Variants in IRAK3 observed in about 807,000 individuals in gnomAD.
IRAK3 encodes the protein interleukin 1 receptor associated kinase 3, also known as interleukin-1 receptor-associated kinase 3.
In IRAK3, 57 loss-of-function variants were observed where a neutral mutation model predicts 56.6. The observed-to-expected ratio is 1.01, with a 90% CI of 0.81 to 1.26. The LOEUF is 1.26. IRAK3 is among the 50% of genes most tolerant of loss of function. IRAK3 has a pLI of 0.00. For missense variants in IRAK3, 703 were observed against 719.0 expected, an observed-to-expected ratio of 0.98 and a Z score of 0.25; for synonymous variants, 258 against 255.7, an observed-to-expected ratio of 1.01 and a Z score of -0.09.
At position 66,247,789 on chromosome 12, in the gene IRAK3, T is replaced by G; in HGVS notation, c.1409T>G (p.Phe470Cys). 1 of 1,614,158 alleles carries G rather than the reference T, an allele frequency of 6.2e-7. No individual in the cohort carries two copies. The highest frequency in any genetic ancestry group is 8.5e-7 in the Non-Finnish European group (1 of 1,179,984). ...TCCTTCAGGTGTCCTTCTCCTCTAT[T>G]CCTGGAGAATGTACCAAGTATTCCA... is the stretch of plus-strand genomic sequence containing the variant. ...LKSFRCPSPL[F>C]LENVPSIPVE... The change falls in exon 12 of 12, where the codon TTC becomes TGC. Residue 470 changes from phenylalanine (F) to cysteine (C), a missense_variant. Phe to Cys is a radical substitution (Grantham distance 205, BLOSUM62 -2). Coordinates refer to ENST00000261233, the MANE Select transcript of IRAK3 (RefSeq NM_007199.3).
At position 66,222,437 on chromosome 12, in the gene IRAK3, TAAG is replaced by T. The variant is rs1350520386; in HGVS notation, c.654-4285_654-4283del. On this transcript the variant is annotated intron_variant, in intron 6 of 11. Transcript: ENST00000261233. Reference sequence around the variant, plus strand: ...TTTCTAGGAATCCATCTATTTCTTTTAAGTTTTCCAGATTGTTGGCATACGATA... The same window carrying T: ...TTTCTAGGAATCCATCTATTTCTTTTTTTTCCAGATTGTTGGCATACGATA... Among the ~76,000 whole-genome samples the T allele has an allele frequency of 1.2e-4, 18 of 152,264 alleles. No individual in the cohort carries two copies. In the South Asian group the frequency reaches 3.3e-3, roughly 28 times the overall value.
At position 66,253,754 on chromosome 12, in the gene IRAK3, G is replaced by A. The variant is rs927709079; in HGVS notation, c.*5583G>A. On this transcript the variant is annotated 3_prime_UTR_variant, in exon 12 of 12. Transcript: ENST00000261233. ...TTGTTGTGTCTAGTAGGTGCTAGGT[G>A]CATTCACACATCTCTTAAGCTTTAA... 64 of 152,204 alleles carry A rather than the reference G, an allele frequency of 4.2e-4. No homozygotes were observed. Among genetic ancestry groups the A allele is most frequent in the African/African-American group, 1.5e-3 (63 of 41,534 alleles). 9.4% of individuals were successfully genotyped at this position (152,204 alleles called of 1,614,324 possible). A position where few individuals can be genotyped will look rare whatever the true frequency, so the allele number is the denominator to read the frequency against.
intron 6 of IRAK3, among the ~76,000 whole-genome samples, chr12:66,223,220 G>C (rs1030449682): frequency 6.6e-6 from 1 of 152,184 alleles, no homozygotes; most frequent in Admixed American, 6.5e-5. Flanking sequence ...TGATTCTTCA[G>C]TTACTTCAGG....
At chr12:66,226,203 C>T (rs1396524408) in intron 6 of IRAK3, among the ~76,000 whole-genome samples, 1 of 151,796 alleles carries the variant, frequency 6.6e-6, no homozygotes, top group East Asian at 1.9e-4. Context: ...TACATGATTA[C>T]AGTCAACCAA....
At position 66,226,938 on chromosome 12, in the gene IRAK3, A is replaced by C. The variant is rs1278779871; in HGVS notation, c.768+101A>C. 4 of 758,544 alleles carry C rather than the reference A, an allele frequency of 5.3e-6. No homozygotes were observed. The Admixed American group carries it at 5.8e-5, about 11-fold the overall frequency. The allele number at this position is 758,544 out of a possible 1,614,324, so 47.0% of individuals were successfully genotyped here. On this transcript the variant is annotated intron_variant, in intron 7 of 11. Coordinates refer to ENST00000261233, the MANE Select transcript of IRAK3 (RefSeq NM_007199.3). ...GAGTTGGGAGGCAAGATGTGTTTGCATGAGGGGAAAGCCAAGAATGGGTTT... is the reference window on the plus strand; with the variant it reads ...GAGTTGGGAGGCAAGATGTGTTTGCCTGAGGGGAAAGCCAAGAATGGGTTT...
At chr12:66,210,517 A>C (rs1241466707) in intron 4 of IRAK3, among the ~76,000 whole-genome samples, 1 of 152,170 alleles carries the variant, frequency 6.6e-6, no homozygotes, top group Non-Finnish European at 1.5e-5. Flanking sequence ...AATTATGTTG[A>C]GATTTATATA....
chr12:66,253,328 A>G lies in IRAK3; in HGVS notation c.*5157A>G, dbSNP rs2053119269. ...TAGTCGTTGTATGTGTTGCTTATAA[A>G]TTTTCTCTATGGTGGAAAATATTCC... On this transcript the variant is annotated 3_prime_UTR_variant, in exon 12 of 12. Transcript: ENST00000261233. 6.6e-6 allele frequency: 1 copy of G among 152,188 alleles called. No homozygotes were observed. Among genetic ancestry groups the G allele is most frequent in the Non-Finnish European group, 1.5e-5 (1 of 68,026 alleles). 9.4% of individuals were successfully genotyped at this position (152,188 alleles called of 1,614,324 possible).
chr12:66,224,402 T>G (rs1623665), intron 6 of IRAK3, among the ~76,000 whole-genome samples: 83,651 of 152,016 alleles, frequency 0.55, 24,895 homozygotes, highest in South Asian at 0.66. Flanking sequence ...CTAATTTAAG[T>G]GATAAGATGA....
At chr12:66,222,307 T>C (rs1037357043) in intron 6 of IRAK3, among the ~76,000 whole-genome samples, 4 of 152,200 alleles carry the variant, frequency 2.6e-5, no homozygotes, top group African/African-American at 7.2e-5. Flanking sequence ...GGTCCTGGAC[T>C]TTTCTTCGTT....
intron 8 of IRAK3, among the ~76,000 whole-genome samples, chr12:66,238,860 G>C (rs1010991530): frequency 6.6e-6 from 1 of 152,154 alleles, no homozygotes. Flanking sequence ...GCTTCCAGGT[G>C]GTGGAATTTG....
In IRAK3 at chr12:66,226,848, T is replaced by C. The variant is rs1350494616; in HGVS notation, c.768+11T>C. The C allele has an allele frequency of 1.4e-6, 2 of 1,431,956 alleles. No homozygotes were observed. The highest frequency in any genetic ancestry group is 2.3e-5 in the South Asian group (2 of 87,438). 88.7% of individuals were successfully genotyped at this position (1,431,956 alleles called of 1,614,324 possible). On this transcript the variant is annotated intron_variant, in intron 7 of 11. Coordinates refer to ENST00000261233, the MANE Select transcript of IRAK3 (RefSeq NM_007199.3). ...AGATTGCAGTGTGTAGTAAGTTCTA[T>C]CTATTATTCTGTCTGATCCTCTGAC...
At chr12:66,198,042 ATTG>A (rs2052471621) in intron 1 of IRAK3, 2 of 985,142 alleles carry the variant, frequency 2.0e-6, no homozygotes, top group Non-Finnish European at 2.4e-6. Context: ...TACTGTGGCA[ATTG>A]TTGTGAGCTA....
In IRAK3 at chr12:66,252,594, C is replaced by G. The variant is rs887035185; in HGVS notation, c.*4423C>G. 11 of 152,190 alleles carry G rather than the reference C, an allele frequency of 7.2e-5. No individual in the cohort carries two copies. The highest frequency in any genetic ancestry group is 2.7e-4 in the African/African-American group (11 of 41,464). The allele number at this position is 152,190 out of a possible 1,614,324, so 9.4% of individuals were successfully genotyped here. A position where few individuals can be genotyped will look rare whatever the true frequency, so the allele number is the denominator to read the frequency against. On this transcript the variant is annotated 3_prime_UTR_variant, in exon 12 of 12. Transcript: ENST00000261233. ...TACTTAGCAATGGCTTCCTTTGTATCAGGCACTATTCTAGGAGCTGGGGCT... is the reference window on the plus strand; with the variant it reads ...TACTTAGCAATGGCTTCCTTTGTATGAGGCACTATTCTAGGAGCTGGGGCT...
chr12:66,239,108 C>G (rs775817478), intron 8 of IRAK3, among the ~76,000 whole-genome samples: 14 of 152,198 alleles, frequency 9.2e-5, no homozygotes, highest in Non-Finnish European at 1.8e-4. Flanking sequence ...CATTTTCCAT[C>G]CCAGACATTT....
At chr12:66,228,600 A>G (rs1169129491) in intron 8 of IRAK3, among the ~76,000 whole-genome samples, 1 of 152,252 alleles carries the variant, frequency 6.6e-6, no homozygotes, top group East Asian at 1.9e-4. Flanking sequence ...TATCTTTGGT[A>G]ATTATTAATG....
In IRAK3 at chr12:66,234,501, C is replaced by T. The variant is rs2052881401; in HGVS notation, c.887+6131C>T. On this transcript the variant is annotated intron_variant, in intron 8 of 11. Transcript: ENST00000261233. ...GAAGGATAAAATCCGTTTTGTATAG[C>T]AGCTGTAGTTGGGTCGTAAGTAAGT... 4 of 1,611,854 alleles carry T rather than the reference C, an allele frequency of 2.5e-6. No homozygotes were observed. The Admixed American group carries it at 5.0e-5, about 20-fold the overall frequency.
At chr12:66,196,990 A>G (rs2052460157) in intron 1 of IRAK3, 1 of 1,535,114 alleles carries the variant, frequency 6.5e-7, no homozygotes, top group South Asian at 1.2e-5. Flanking sequence ...ATTATTTGAA[A>G]AAACCCCTTC....
intron 5 of IRAK3, among the ~76,000 whole-genome samples, chr12:66,214,569 C>CAAAACAAAACAAAA (rs2052648255): frequency 1.3e-5 from 2 of 151,470 alleles, no homozygotes; most frequent in Non-Finnish European, 1.5e-5. Flanking sequence ...CAAAACAAAA[C>CAAAACAAAACAAAA]CACCAGACTG....
chr12:66,191,272 AGGAAGTGGTCAGT>A (rs78503618), intron 1 of IRAK3, among the ~76,000 whole-genome samples: 37,051 of 152,034 alleles, frequency 0.24, 4,910 homozygotes, highest in South Asian at 0.32. Context: ...GCAAAAATTG[AGGAAGTGGTCAGT>A]AATTATTCAA....
Sources: allele counts gnomAD v4.1 joint callset (sites outside exome capture counted in the v4.1 genomes callset), GRCh38; gene constraint gnomAD v4.1.1; transcripts MANE v1.5; gene names NCBI Gene and HGNC (gene_info 2026-07-23, HGNC 2026-07-21).